Variants in KCNA2 observed in about 807,000 individuals in gnomAD.
KCNA2 encodes potassium channel, voltage gated shaker related subfamily A, member 2.
KCNA2 carries 11 observed loss-of-function variants against 33.4 expected under a neutral mutation model. That is an observed-to-expected ratio of 0.33 (90% confidence interval 0.21 to 0.55). KCNA2 has a LOEUF of 0.55. Ranked by LOEUF, KCNA2 falls within the 20% of genes least tolerant of loss-of-function variation. KCNA2 has a pLI of 0.93. For missense variants in KCNA2, 291 were observed against 621.6 expected (o/e 0.47, Z 5.66); for synonymous variants, 222 against 231.3 (o/e 0.96, Z 0.37).
rs772565259 is a variant in KCNA2, at chr1:110,604,827, C to CTGGT, written c.-49_-46dup. 2.6e-6 allele frequency: 4 copies of CTGGT among 1,548,884 alleles called. No individual in the cohort carries two copies. The East Asian group carries it at 9.0e-5, about 35-fold the overall frequency. On this transcript the variant is annotated 5_prime_UTR_variant, in exon 3 of 3. Coordinates refer to ENST00000316361, the MANE Select transcript of KCNA2 (RefSeq NM_004974.4). This position sits in a 1 kb window ranked among gnomAD's most constrained non-coding sequence, Gnocchi z 7.6. Reference sequence around the variant, plus strand: ...ACCTCACGCTATGCCTTTCAGCTGCCTGGTGGCAGGGAGCTCAGGGTGCTG... The same window carrying CTGGT: ...ACCTCACGCTATGCCTTTCAGCTGCCTGGTTGGTGGCAGGGAGCTCAGGGTGCTG...
Position 110,601,240 on chromosome 1 carries a change from G to T in KCNA2, c.*2043C>A. The T allele has an allele frequency of 1.0e-6, 1 of 979,288 alleles. No individual in the cohort carries two copies. Among genetic ancestry groups the T allele is most frequent in the African/African-American group, 1.7e-5 (1 of 57,306 alleles). The allele number at this position is 979,288 out of a possible 1,614,324, so 60.7% of individuals were successfully genotyped here. Reference sequence around the variant, plus strand: ...AAATGATGCCTTTGGATCATCTAGGGACTCCATCACTTAGTCCCGGACTTC... The same window carrying T: ...AAATGATGCCTTTGGATCATCTAGGTACTCCATCACTTAGTCCCGGACTTC... On this transcript the variant is annotated 3_prime_UTR_variant, in exon 3 of 3. Coordinates refer to ENST00000316361, the MANE Select transcript of KCNA2 (RefSeq NM_004974.4).
chr1:110,620,059 A>AGC (rs1650206012), intron 1 of KCNA2, among the ~76,000 whole-genome samples: 1 of 132,246 alleles, frequency 7.6e-6, no homozygotes, highest in Non-Finnish European at 1.6e-5. Context: ...AGAGCGAGAG[A>AGC]GAGAGAGAGA....
intron 1 of KCNA2, among the ~76,000 whole-genome samples, chr1:110,612,941 G>A (rs893440871): frequency 1.3e-5 from 2 of 152,216 alleles, no homozygotes; most frequent in African/African-American, 4.8e-5. Flanking sequence ...CCATTCACAT[G>A]ACCTTAGGTG....
intron 1 of KCNA2, among the ~76,000 whole-genome samples, chr1:110,613,877 T>C (rs1336949576): frequency 6.6e-6 from 1 of 152,230 alleles, no homozygotes; most frequent in Non-Finnish European, 1.5e-5. Flanking sequence ...GTGGGTATAC[T>C]GTGGGCTGGA....
In KCNA2 at chr1:110,595,438, T is replaced by G; in HGVS notation, c.*7845A>C. ...TTCTGCTGCCTGATCACAACTAACA[T>G]AGCCAGACTGGAGGGCTTCTGTGGG... On this transcript the variant is annotated 3_prime_UTR_variant, in exon 3 of 3. Transcript: ENST00000316361. 1.0e-6 allele frequency: 1 copy of G among 985,396 alleles called. No individual in the cohort carries two copies. Among genetic ancestry groups the G allele is most frequent in the South Asian group, 4.7e-5 (1 of 21,284 alleles). The allele number at this position is 985,396 out of a possible 1,614,324, so 61.0% of individuals were successfully genotyped here. A position where few individuals can be genotyped will look rare whatever the true frequency, so the allele number is the denominator to read the frequency against.
In KCNA2 at chr1:110,602,889, A is replaced by T; in HGVS notation, c.*394T>A. The T allele has an allele frequency of 2.0e-6, 2 of 1,025,480 alleles. No homozygotes were observed. Among genetic ancestry groups the T allele is most frequent in the Admixed American group, 5.2e-5 (1 of 19,290 alleles). The allele number at this position is 1,025,480 out of a possible 1,614,324, so 63.5% of individuals were successfully genotyped here. A position where few individuals can be genotyped will look rare whatever the true frequency, so the allele number is the denominator to read the frequency against. On this transcript the variant is annotated 3_prime_UTR_variant, in exon 3 of 3. Transcript: ENST00000316361. ...AGCCATGATTGTGTTCCTCTGTGAA[A>T]GGGCAGGTGGGCTCAAATAAGGTGG... is the stretch of plus-strand genomic sequence containing the variant.
chr1:110,597,317 T>C lies in KCNA2; in HGVS notation c.*5966A>G, dbSNP rs1322560106. 1.0e-6 allele frequency: 1 copy of C among 985,424 alleles called. No individual in the cohort carries two copies. 61.0% of individuals were successfully genotyped at this position (985,424 alleles called of 1,614,324 possible). On this transcript the variant is annotated 3_prime_UTR_variant, in exon 3 of 3. Transcript: ENST00000316361. ...GATCTTCTGTAATGGCTCAGGATGC[T>C]TTATTCTTATCTATTGGGAAGTGCT...
rs1013576376 is a variant in KCNA2 at position 110,630,552 on chromosome 1, C to T, written c.-496+843G>A. ...GGATTCATGGTTTCAGTTCTTTCTC[C>T]TATTACCCAAAATCATCATGTCATC... On this transcript the variant is annotated intron_variant, in intron 1 of 4. Transcript: ENST00000369770. 1.1e-4 allele frequency among the ~76,000 whole-genome samples: 17 copies of T among 152,240 alleles called. 1 individual carries two copies. Among genetic ancestry groups the T allele is most frequent in the African/African-American group, 4.1e-4 (17 of 41,530 alleles).
intron 1 of KCNA2, among the ~76,000 whole-genome samples, chr1:110,630,007 T>C (rs1650506591): frequency 8.9e-6 from 1 of 112,656 alleles, no homozygotes; most frequent in South Asian, 3.3e-4. Flanking sequence ...AAGTGCTCTG[T>C]ACTTTTTTTT....
chr1:110,617,729 GGA>G (rs1288416833), intron 1 of KCNA2, among the ~76,000 whole-genome samples: 1 of 152,176 alleles, frequency 6.6e-6, no homozygotes, highest in African/African-American at 2.4e-5. Flanking sequence ...GATGGGAGAG[GGA>G]GAGAGAGTGT....
rs1436424865 is a variant in KCNA2, at chr1:110,603,453, G to A, written c.1330C>T (p.Leu444=). ...GTAGAGGCACTTCTACTTTTCTTTA[G>A]GTCAGGGGAGGATGGGATCTTTGGA... The part of the protein sequence containing the change: ...SCPKIPSSPD[L]KKSRSASTIS... Residue 444 remains leucine, a synonymous_variant, in exon 3 of 3, where the codon CTA becomes TTA. Transcript: ENST00000316361. This position sits in a 1 kb window ranked among gnomAD's most constrained non-coding sequence, Gnocchi z 5.7. 3 of 1,614,022 alleles carry A rather than the reference G, an allele frequency of 1.9e-6. No individual in the cohort carries two copies. The highest frequency in any genetic ancestry group is 2.5e-6 in the Non-Finnish European group (3 of 1,180,024).
At position 110,603,230 on chromosome 1, in the gene KCNA2, A is replaced by G; in HGVS notation, c.*53T>C. 3 of 1,551,286 alleles carry G rather than the reference A, an allele frequency of 1.9e-6. No individual in the cohort carries two copies. The South Asian group carries it at 3.8e-5, about 20-fold the overall frequency. ...CACACTGACTACAATGCAGGCTATT[A>G]TGCAACATCTGCATTAGTTCCATTG... On this transcript the variant is annotated 3_prime_UTR_variant, in exon 3 of 3. Coordinates refer to ENST00000316361, the MANE Select transcript of KCNA2 (RefSeq NM_004974.4). The surrounding 1 kb of genome is among the most constrained non-coding windows in gnomAD (Gnocchi z 5.7).
intron 1 of KCNA2, among the ~76,000 whole-genome samples, chr1:110,629,083 C>A (rs1412512888): frequency 6.6e-6 from 1 of 152,166 alleles, no homozygotes; most frequent in Non-Finnish European, 1.5e-5. Flanking sequence ...GAATGGCTCC[C>A]AAATGTTGGC....
rs1329678533 is a variant in KCNA2 at position 110,595,426 on chromosome 1, T to C, written c.*7857A>G. On this transcript the variant is annotated 3_prime_UTR_variant, in exon 3 of 3. Transcript: ENST00000316361. ...TGGGTTATGGGCTTCTGCTGCCTGA[T>C]CACAACTAACATAGCCAGACTGGAG... 1.0e-6 allele frequency: 1 copy of C among 985,302 alleles called. No homozygotes were observed. Among genetic ancestry groups the C allele is most frequent in the Admixed American group, 6.1e-5 (1 of 16,274 alleles). 61.0% of individuals were successfully genotyped at this position (985,302 alleles called of 1,614,324 possible). A position where few individuals can be genotyped will look rare whatever the true frequency, so the allele number is the denominator to read the frequency against.
chr1:110,602,220 T>C lies in KCNA2; in HGVS notation c.*1063A>G. ...AGGCTGGGGGGCCAGAAGTTTTAGT[T>C]CCATTCCAAATAGTCTATTTTTTTT... On this transcript the variant is annotated 3_prime_UTR_variant, in exon 3 of 3. Transcript: ENST00000316361. 6.5e-7 allele frequency: 1 copy of C among 1,546,966 alleles called. No individual in the cohort carries two copies. The highest frequency in any genetic ancestry group is 8.7e-7 in the Non-Finnish European group (1 of 1,146,004).
intron 1 of KCNA2, among the ~76,000 whole-genome samples, chr1:110,620,091 A>AGAGAGAGG (rs10637979): frequency 6.9e-6 from 1 of 144,128 alleles, no homozygotes; most frequent in Non-Finnish European, 1.5e-5. Context: ...AGAGAGAGTG[A>AGAGAGAGG]GTGAGAGAGA....
At chr1:110,622,155 C>T (rs968644735) in intron 1 of KCNA2, among the ~76,000 whole-genome samples, 5 of 151,974 alleles carry the variant, frequency 3.3e-5, no homozygotes, top group Admixed American at 1.3e-4. Context: ...TACATCATGA[C>T]CAAATGGAGT....
Position 110,601,720 on chromosome 1 carries a change from T to G in KCNA2, c.*1563A>C. ...AGACAAATTAACCCATTAGGCCTCT[T>G]AGACAGCCAACCCACCAAGCAGTGG... On this transcript the variant is annotated 3_prime_UTR_variant, in exon 3 of 3. Coordinates refer to ENST00000316361, the MANE Select transcript of KCNA2 (RefSeq NM_004974.4). 1 of 1,157,174 alleles carries G rather than the reference T, an allele frequency of 8.6e-7. No individual in the cohort carries two copies. Among genetic ancestry groups the G allele is most frequent in the Non-Finnish European group, 1.1e-6 (1 of 943,026 alleles). 71.7% of individuals were successfully genotyped at this position (1,157,174 alleles called of 1,614,324 possible). A position where few individuals can be genotyped will look rare whatever the true frequency, so the allele number is the denominator to read the frequency against.
Position 110,595,683 on chromosome 1 carries a change from C to T in KCNA2, c.*7600G>A. The stretch of plus-strand genomic sequence containing the variant: ...TTTCTTGAGTGATGTGTACAGCTTA[C>T]CCCCAAAGAGGCAACTGAATTTCAG... On this transcript the variant is annotated 3_prime_UTR_variant, in exon 3 of 3. Transcript: ENST00000316361. 6 of 985,388 alleles carry T rather than the reference C, an allele frequency of 6.1e-6. No individual in the cohort carries two copies. The highest frequency in any genetic ancestry group is 7.2e-6 in the Non-Finnish European group (6 of 829,912). The allele number at this position is 985,388 out of a possible 1,614,324, so 61.0% of individuals were successfully genotyped here. A position where few individuals can be genotyped will look rare whatever the true frequency, so the allele number is the denominator to read the frequency against.
Sources: allele counts gnomAD v4.1 joint callset (sites outside exome capture counted in the v4.1 genomes callset), GRCh38; gene constraint gnomAD v4.1.1; non-coding constraint Gnocchi (gnomAD v3.1); transcripts MANE v1.5; gene names NCBI Gene and HGNC (gene_info 2026-07-23, HGNC 2026-07-21).